DPP6: variants seen among roughly 807,000 people sequenced by gnomAD.
DPP6 encodes the protein A-type potassium channel modulatory protein DPP6.
In DPP6, 69 loss-of-function variants were observed where a neutral mutation model predicts 122.6. The ratio of observed to expected loss-of-function variants is 0.56; its 90% CI spans 0.46 to 0.69. The LOEUF is 0.69. Ranked by LOEUF, DPP6 falls within the 30% of genes least tolerant of loss-of-function variation. DPP6 has a pLI of 0.00. For synonymous variants in DPP6, 418 were observed against 433.1 expected, an observed-to-expected ratio of 0.97 and a Z score of 0.43; for missense variants, 928 against 1,116.9, an observed-to-expected ratio of 0.83 and a Z score of 2.41.
chr7:153,966,554 C>CTTT (rs753840054), intron 1 of DPP6, among the ~76,000 whole-genome samples: 12 of 41,354 alleles, frequency 2.9e-4, no homozygotes, highest in African/African-American at 6.3e-4. Context: ...CCTGTGTTGG[C>CTTT]TTTTTTTTTT....
chr7:154,417,908 A>G (rs566160656), intron 1 of DPP6, among the ~76,000 whole-genome samples: 2 of 152,300 alleles, frequency 1.3e-5, no homozygotes, highest in East Asian at 3.9e-4. Flanking sequence ...GGCCATTACA[A>G]TACATTGACA....
At chr7:154,643,211 A>G (rs765046772) in intron 6 of DPP6, among the ~76,000 whole-genome samples, 3 of 152,076 alleles carry the variant, frequency 2.0e-5, no homozygotes, top group Non-Finnish European at 4.4e-5. Context: ...CTATGGCCTC[A>G]ACTGTCTACA....
rs1799946004 is a variant in DPP6 at position 153,908,578 on chromosome 7, T to C, written c.51+20844T>C. On this transcript the variant is annotated intron_variant, in intron 1 of 25. Coordinates refer to the DPP6 transcript ENST00000404039. The stretch of plus-strand genomic sequence containing the variant: ...ACCTCATTTTATGTAGCTCTTTTAC[T>C]GAAAATGTGGCATTTATTTTTCTGT... Among the ~76,000 whole-genome samples the C allele has an allele frequency of 2.0e-5, 3 of 152,210 alleles. No individual in the cohort carries two copies. The South Asian group carries it at 6.2e-4, about 32-fold the overall frequency.
chr7:154,487,400 C>G (rs971641280), intron 3 of DPP6, among the ~76,000 whole-genome samples: 1 of 152,152 alleles, frequency 6.6e-6, no homozygotes, highest in Non-Finnish European at 1.5e-5. Flanking sequence ...TGACAGGATA[C>G]GCCGTGCAGC....
intron 1 of DPP6, among the ~76,000 whole-genome samples, chr7:154,023,000 G>T (rs1227371123): frequency 6.6e-6 from 1 of 152,122 alleles, no homozygotes; most frequent in East Asian, 1.9e-4. Context: ...TCCTCCAGGA[G>T]GAAGAACCTT....
intron 7 of DPP6, among the ~76,000 whole-genome samples, chr7:154,682,467 C>T (rs1839341193): frequency 6.6e-6 from 1 of 152,248 alleles, no homozygotes; most frequent in East Asian, 1.9e-4. Flanking sequence ...GCCCCTCACG[C>T]ACTCTCCGGT....
chr7:154,243,866 C>G (rs1035665983), intron 1 of DPP6, among the ~76,000 whole-genome samples: 2 of 151,564 alleles, frequency 1.3e-5, no homozygotes, highest in Non-Finnish European at 2.9e-5. Flanking sequence ...ATTATTTGAC[C>G]TGAAAAGCAG....
intron 1 of DPP6, among the ~76,000 whole-genome samples, chr7:154,011,076 A>G (rs543098716): frequency 5.3e-4 from 81 of 152,088 alleles, no homozygotes; most frequent in Non-Finnish European, 9.1e-4. Flanking sequence ...TAATACCCCT[A>G]TCCCTCTCCT....
At chr7:153,978,339 G>T (rs189051339) in intron 1 of DPP6, among the ~76,000 whole-genome samples, 22 of 152,300 alleles carry the variant, frequency 1.4e-4, no homozygotes, top group Non-Finnish European at 2.6e-4. Flanking sequence ...TTTGTTGGCT[G>T]CATAAATGTC....
intron 1 of DPP6, among the ~76,000 whole-genome samples, chr7:154,257,467 G>A (rs1368506486): frequency 6.6e-6 from 1 of 152,056 alleles, no homozygotes; most frequent in Admixed American, 6.6e-5. Context: ...GGCTGAGGCA[G>A]GTGGATCACC....
In DPP6 at chr7:154,603,669, A is replaced by AAAG. The variant is rs1227781778; in HGVS notation, c.628-34150_628-34149insGAA. On this transcript the variant is annotated intron_variant, in intron 5 of 25. Transcript: ENST00000377770. Reference sequence around the variant, plus strand: ...GAAACTCTGTCTCAAAAAAAAAAAAAAAAAAAAAAAAAAATTATTTCAGGC... The same window carrying AAAG: ...GAAACTCTGTCTCAAAAAAAAAAAAAAAGAAAAAAAAAAAAAATTATTTCAGGC... Among the ~76,000 whole-genome samples, 2 of 112,848 alleles carry AAAG rather than the reference A, an allele frequency of 1.8e-5. 1 individual carries two copies. Among genetic ancestry groups the AAAG allele is most frequent in the Non-Finnish European group, 3.9e-5 (2 of 51,104 alleles). The allele number at this position is 112,848 out of a possible 152,430, so 74.0% of individuals were successfully genotyped here. A position where few individuals can be genotyped will look rare whatever the true frequency, so the allele number is the denominator to read the frequency against.
intron 4 of DPP6, among the ~76,000 whole-genome samples, chr7:154,544,647 G>A (rs1050261056): frequency 6.6e-6 from 1 of 152,154 alleles, no homozygotes; most frequent in Non-Finnish European, 1.5e-5. Flanking sequence ...TCCAGCCTTG[G>A]CATTGTGCTC....
At chr7:154,585,078 C>T (rs1832351247) in intron 5 of DPP6, among the ~76,000 whole-genome samples, 1 of 151,458 alleles carries the variant, frequency 6.6e-6, no homozygotes, top group African/African-American at 2.4e-5. Context: ...AGGGCAAGCC[C>T]TCCCTCCACC....
chr7:154,460,242 A>G (rs13246315), intron 2 of DPP6, among the ~76,000 whole-genome samples: 6,007 of 152,184 alleles, frequency 0.039, 160 homozygotes, highest in East Asian at 0.13. Flanking sequence ...TTGGCCTCCC[A>G]AAGTGCTGGG....
At chr7:154,079,561 TGGG>T (rs1490060125) in intron 1 of DPP6, among the ~76,000 whole-genome samples, 1 of 151,922 alleles carries the variant, frequency 6.6e-6, no homozygotes. Flanking sequence ...GACCTAGAGA[TGGG>T]GGATAACGGG....
chr7:154,095,429 T>C (rs1805256738), intron 1 of DPP6: 1 of 142,880 alleles, frequency 7.0e-6, no homozygotes, highest in Non-Finnish European at 1.6e-5. Flanking sequence ...GGGGGCGCTC[T>C]TTTTTGGATC....
intron 23 of DPP6, 142 bp from the exon 24 acceptor site, chr7:154,889,130 C>T: frequency 7.5e-7 from 1 of 1,329,262 alleles, no homozygotes; most frequent in Non-Finnish European, 1.0e-6. Context: ...CATTTCTTTG[C>T]AGATATAAGG....
At chr7:154,673,547 A>G (rs551952128) in intron 7 of DPP6, among the ~76,000 whole-genome samples, 15 of 152,330 alleles carry the variant, frequency 9.8e-5, no homozygotes, top group Admixed American at 6.5e-4. Flanking sequence ...GGAGGCCCCC[A>G]GGCTGCCAGA....
chr7:154,660,570 G>A lies in DPP6; in HGVS notation c.681-8790G>A, dbSNP rs1443143213. On this transcript the variant is annotated intron_variant, in intron 6 of 25. Transcript: ENST00000377770. ...TATAGTCATGGTGAATCACCATGGC[G>A]TATCGGCCGTAGTGTTCATATAGTC... Among the ~76,000 whole-genome samples the A allele has an allele frequency of 2.3e-3, 294 of 129,694 alleles. 3 individuals carry two copies. The highest frequency in any genetic ancestry group is 9.1e-3 in the African/African-American group (277 of 30,576). 85.1% of individuals were successfully genotyped at this position (129,694 alleles called of 152,430 possible).
Sources: allele counts gnomAD v4.1 joint callset (sites outside exome capture counted in the v4.1 genomes callset), GRCh38; gene constraint gnomAD v4.1.1; transcripts MANE v1.5; gene names NCBI Gene and HGNC (gene_info 2026-07-23, HGNC 2026-07-21).